Variants in PCSK5 observed in about 807,000 individuals in gnomAD.
PCSK5 encodes proprotein convertase subtilisin/kexin type 5.
A neutral mutation model predicts 233.2 loss-of-function variants in PCSK5; 129 were observed. The observed-to-expected ratio is 0.55, with a 90% CI of 0.48 to 0.64. The LOEUF is 0.64. Among genes scored for constraint, PCSK5 ranks in the 30% least tolerant of loss-of-function variants. PCSK5 has a pLI of 0.00. For missense variants in PCSK5, 2,076 were observed against 2,430.1 expected (o/e 0.85, Z 3.06); for synonymous variants, 825 against 879.2 (o/e 0.94, Z 1.09).
In PCSK5 at chr9:76,177,994, G is replaced by A. The variant is rs192136563; in HGVS notation, c.1901-1602G>A. On this transcript the variant is annotated intron_variant, in intron 14 of 37. Coordinates refer to ENST00000674117, the MANE Select transcript of PCSK5 (RefSeq NM_001372043.1). ...TAGAAGTCATCTGGTGAAAATTTAG[G>A]GCCACCCATGACTCCTTTCCTTTGG... is the stretch of plus-strand genomic sequence containing the variant. Among the ~76,000 whole-genome samples the A allele has an allele frequency of 2.2e-4, 33 of 151,892 alleles. No homozygotes were observed. In the East Asian group the frequency reaches 6.2e-3, roughly 29 times the overall value.
chr9:76,080,417 G>A (rs1221171766), intron 7 of PCSK5, among the ~76,000 whole-genome samples: 2 of 152,080 alleles, frequency 1.3e-5, no homozygotes, highest in East Asian at 3.9e-4. Context: ...TTCGATGCTT[G>A]TACCCAAGTA....
At chr9:76,085,250 C>T (rs1359177782) in intron 7 of PCSK5, among the ~76,000 whole-genome samples, 1 of 152,158 alleles carries the variant, frequency 6.6e-6, no homozygotes, top group African/African-American at 2.4e-5. Context: ...ATTGATCATC[C>T]AGGCAACTGA....
chr9:75,950,356 A>G (rs573392862), intron 2 of PCSK5, among the ~76,000 whole-genome samples: 1 of 152,304 alleles, frequency 6.6e-6, no homozygotes, highest in East Asian at 1.9e-4. Context: ...CCAGATAACT[A>G]TTGAACCTCA....
intron 2 of PCSK5, among the ~76,000 whole-genome samples, chr9:75,955,147 G>A (rs1053447615): frequency 3.3e-5 from 5 of 152,086 alleles, no homozygotes; most frequent in East Asian, 3.9e-4. Context: ...CGATGCTTCC[G>A]ACAAACTTTG....
At chr9:76,282,145 T>TTTTTTTTTTTTTTTTTTTTTTTTTTC (rs1286020691) in intron 24 of PCSK5, among the ~76,000 whole-genome samples, 1 of 98,906 alleles carries the variant, frequency 1.0e-5, no homozygotes, top group Non-Finnish European at 2.1e-5. Flanking sequence ...TTTTTTTTTT[T>TTTTTTTTTTTTTTTTTTTTTTTTTTC]TTCGCTCTGT....
intron 1 of PCSK5, among the ~76,000 whole-genome samples, chr9:75,915,778 A>G (rs1822961356): frequency 6.6e-6 from 1 of 152,244 alleles, no homozygotes; most frequent in Non-Finnish European, 1.5e-5. Context: ...AGTCTTGAGT[A>G]ACTACAAAAA....
intron 26 of PCSK5, among the ~76,000 whole-genome samples, chr9:76,296,269 T>G (rs941161787): frequency 2.6e-5 from 4 of 152,304 alleles, no homozygotes; most frequent in African/African-American, 9.6e-5. Context: ...CCGACCTGGA[T>G]TTATTAAAAC....
intron 12 of PCSK5, among the ~76,000 whole-genome samples, chr9:76,167,093 A>C (rs1274732165): frequency 6.6e-6 from 1 of 152,198 alleles, no homozygotes; most frequent in African/African-American, 2.4e-5. Flanking sequence ...TTGAGGACCC[A>C]TTCCAGTGGG....
intron 9 of PCSK5, among the ~76,000 whole-genome samples, chr9:76,120,561 G>C (rs1406641172): frequency 1.3e-5 from 2 of 151,802 alleles, no homozygotes; most frequent in Non-Finnish European, 2.9e-5. Context: ...GTATTTGTTT[G>C]TTTTGCTATT....
intron 29 of PCSK5, among the ~76,000 whole-genome samples, chr9:76,310,137 G>A (rs1482330467): frequency 4.6e-5 from 7 of 151,776 alleles, no homozygotes; most frequent in Non-Finnish European, 8.8e-5. Context: ...AGTCCCAGCT[G>A]CTCAGGAGGC....
At chr9:76,191,216 C>CAAAA (rs1179109605) in intron 20 of PCSK5, among the ~76,000 whole-genome samples, 1 of 151,952 alleles carries the variant, frequency 6.6e-6, no homozygotes, top group Non-Finnish European at 1.5e-5. Flanking sequence ...AGAAAACAAA[C>CAAAA]AAAAAATATG....
intron 29 of PCSK5, among the ~76,000 whole-genome samples, chr9:76,309,457 G>T (rs1224446059): frequency 1.3e-5 from 2 of 152,220 alleles, no homozygotes; most frequent in African/African-American, 4.8e-5. Flanking sequence ...ACTTTGGGAG[G>T]CTGAAGCAGG....
At chr9:76,073,168 A>G (rs968050897) in intron 7 of PCSK5, among the ~76,000 whole-genome samples, 1 of 152,242 alleles carries the variant, frequency 6.6e-6, no homozygotes, top group African/African-American at 2.4e-5. Context: ...CTTACAGTGG[A>G]ATGCATTGTT....
chr9:76,092,463 G>A (rs976501012), intron 7 of PCSK5, among the ~76,000 whole-genome samples: 9 of 152,120 alleles, frequency 5.9e-5, no homozygotes, highest in Non-Finnish European at 7.4e-5. Context: ...AGTGGTGTGA[G>A]CATAGCTGCC....
At chr9:76,174,433 A>G (rs968712669) in intron 13 of PCSK5, among the ~76,000 whole-genome samples, 1 of 151,772 alleles carries the variant, frequency 6.6e-6, no homozygotes, top group Non-Finnish European at 1.5e-5. Context: ...CAGCCCCCCA[A>G]GTAGCTGGGA....
intron 2 of PCSK5, among the ~76,000 whole-genome samples, chr9:75,972,055 A>G (rs2131366398): frequency 6.6e-6 from 1 of 151,976 alleles, no homozygotes; most frequent in Admixed American, 6.6e-5. Flanking sequence ...TAATTTTTGT[A>G]TAAGGTATAA....
At chr9:75,907,827 G>C (rs1587344189) in intron 1 of PCSK5, among the ~76,000 whole-genome samples, 1 of 152,196 alleles carries the variant, frequency 6.6e-6, no homozygotes, top group Non-Finnish European at 1.5e-5. Flanking sequence ...AAATTTCACT[G>C]TTTATGTAGA....
intron 20 of PCSK5, among the ~76,000 whole-genome samples, chr9:76,204,138 A>C (rs1825020755): frequency 6.6e-6 from 1 of 152,202 alleles, no homozygotes; most frequent in African/African-American, 2.4e-5. Context: ...CTAATATCCA[A>C]TCCATCACCC....
intron 19 of PCSK5, 107 bp from the exon 20 acceptor site, chr9:76,189,524 A>G (rs750274208): frequency 2.7e-6 from 2 of 727,582 alleles, no homozygotes; most frequent in South Asian, 3.6e-5. Context: ...ATTTTTGAGT[A>G]ATCTTCAGAG....
Sources: gnomAD v4.1 joint callset for allele counts (sites outside exome capture counted in the v4.1 genomes callset) on GRCh38, gnomAD v4.1.1 for gene constraint, MANE v1.5 for transcripts, NCBI Gene and HGNC (gene_info 2026-07-23, HGNC 2026-07-21) for gene names.